ANKRD36: variants seen among roughly 807,000 people sequenced by gnomAD.
ANKRD36 encodes ankyrin repeat domain 36, also known as ankyrin repeat domain-containing protein 36A.
ANKRD36 carries 179 observed loss-of-function variants against 278.1 expected under a neutral mutation model. The observed-to-expected ratio is 0.64, with a 90% CI of 0.57 to 0.73. The LOEUF (loss-of-function observed/expected upper bound fraction) is 0.73. Among genes scored for constraint, ANKRD36 ranks in the 30% least tolerant of loss-of-function variants. The pLI, the probability that ANKRD36 is intolerant of heterozygous loss-of-function variation, is 0.00. For missense variants in ANKRD36, 1,159 were observed against 1,956.7 expected (o/e 0.59, Z 7.69); for synonymous variants, 320 against 641.1 (o/e 0.50, Z 7.57).
At chr2:97,208,791 G>C (rs1200412793) in intron 54 of ANKRD36, among the ~76,000 whole-genome samples, 4 of 146,700 alleles carry the variant, frequency 2.7e-5, no homozygotes, top group African/African-American at 1.1e-4. Flanking sequence ...GCTATTTAAT[G>C]TAACTTCTTT....
intron 64 of ANKRD36, among the ~76,000 whole-genome samples, chr2:97,218,786 AT>A (rs1332466498): frequency 1.9e-4 from 29 of 152,086 alleles, no homozygotes; most frequent in African/African-American, 7.0e-4. Flanking sequence ...GTATACCCAC[AT>A]TGATATTAAC....
In ANKRD36 at chr2:97,124,454, T is replaced by C; in HGVS notation, c.594-6T>C. ...AAAGTTTTTAATTACCTCTCTGTTA[T>C]TTTAGATCAGCCCTCATACATGCTG... is the stretch of plus-strand genomic sequence containing the variant. On this transcript the variant is annotated splice_region_variant and splice_polypyrimidine_tract_variant and intron_variant, in intron 4 of 75. Coordinates refer to ENST00000420699, the MANE Select transcript of ANKRD36 (RefSeq NM_001354587.1). 1.9e-6 allele frequency: 3 copies of C among 1,542,586 alleles called. No homozygotes were observed. The highest frequency in any genetic ancestry group is 2.6e-6 in the Non-Finnish European group (3 of 1,144,134).
chr2:97,142,612 T>A (rs62153043), intron 6 of ANKRD36, 28 bp from the exon 7 acceptor site: 1 of 1,477,564 alleles, frequency 6.8e-7, no homozygotes, highest in Non-Finnish European at 9.3e-7. Context: ...TTACATATGA[T>A]TGATTATGTA....
rs1462674521 is a variant in ANKRD36 at position 97,210,052 on chromosome 2, C to T, written c.3367+180C>T. Among the ~76,000 whole-genome samples, 11 of 151,916 alleles carry T rather than the reference C, an allele frequency of 7.2e-5. No individual in the cohort carries two copies. The South Asian group carries it at 8.4e-4, about 12-fold the overall frequency. On this transcript the variant is annotated intron_variant, in intron 56 of 75. Transcript: ENST00000420699. ...TGCTGCTGGCCTGGAACATGATCTT[C>T]GCTCTAAGATTATACCCTTCCCCAC...
At chr2:97,185,971 G>T (rs2057344076) in intron 30 of ANKRD36, among the ~76,000 whole-genome samples, 1 of 151,782 alleles carries the variant, frequency 6.6e-6, no homozygotes, top group Non-Finnish European at 1.5e-5. Flanking sequence ...AAGGAAGAGG[G>T]TTGTGAGGCA....
intron 6 of ANKRD36, among the ~76,000 whole-genome samples, chr2:97,127,675 G>T (rs1223481962): frequency 6.6e-6 from 1 of 151,946 alleles, no homozygotes; most frequent in Non-Finnish European, 1.5e-5. Flanking sequence ...AGTTACAGCT[G>T]TAGTTTCCTT....
At chr2:97,240,974 A>G (rs2074225489) in intron 68 of ANKRD36, among the ~76,000 whole-genome samples, 1 of 124,642 alleles carries the variant, frequency 8.0e-6, no homozygotes, top group Non-Finnish European at 1.6e-5. Flanking sequence ...ATGCAATCAC[A>G]TAACTATGTT....
rs201600563 is a variant in ANKRD36, at chr2:97,192,885, C to T, written c.2375C>T (p.Thr792Met). ...TCTTCTCAGAAACCACCAGCCTTGACGGTAATGAAACACTCATTTATATTG... is the reference window on the plus strand; with the variant it reads ...TCTTCTCAGAAACCACCAGCCTTGATGGTAATGAAACACTCATTTATATTG... ...TVSSQKPPAL[T>M]ATSDEEGSVL... The change falls in exon 37 of 76, where the codon ACG becomes ATG. Residue 792 changes from threonine to methionine, a missense_variant and splice_region_variant. Coordinates refer to ENST00000420699, the MANE Select transcript of ANKRD36 (RefSeq NM_001354587.1). The T allele has an allele frequency of 1.4e-5, 22 of 1,601,680 alleles. No homozygotes were observed. Among genetic ancestry groups the T allele is most frequent in the African/African-American group, 6.7e-5 (5 of 74,550 alleles).
At chr2:97,194,214 C>CT (rs1297443462) in intron 38 of ANKRD36, among the ~76,000 whole-genome samples, 1 of 151,596 alleles carries the variant, frequency 6.6e-6, no homozygotes, top group Non-Finnish European at 1.5e-5. Flanking sequence ...ATTCAGGACA[C>CT]TTCCACTGAA....
chr2:97,117,419 C>G (rs2035773380), intron 1 of ANKRD36, among the ~76,000 whole-genome samples: 1 of 151,982 alleles, frequency 6.6e-6, no homozygotes, highest in Non-Finnish European at 1.5e-5. Flanking sequence ...GGTGATGCCA[C>G]ATTACTTTAT....
chr2:97,146,472 T>G lies in ANKRD36; in HGVS notation c.1004-14T>G. 4 of 1,292,200 alleles carry G rather than the reference T, an allele frequency of 3.1e-6. No individual in the cohort carries two copies. In the South Asian group the frequency reaches 5.6e-5, roughly 18 times the overall value. 80.0% of individuals were successfully genotyped at this position (1,292,200 alleles called of 1,614,324 possible). A position where few individuals can be genotyped will look rare whatever the true frequency, so the allele number is the denominator to read the frequency against. On this transcript the variant is annotated splice_polypyrimidine_tract_variant and intron_variant, in intron 10 of 75. Coordinates refer to ENST00000420699, the MANE Select transcript of ANKRD36 (RefSeq NM_001354587.1). ...ATTGTTGATTTAAAATGCATTTTAC[T>G]TTTTGTTTAATAGTGCTTCCTGCTG...
chr2:97,195,657 C>T (rs1352283134), intron 40 of ANKRD36, among the ~76,000 whole-genome samples: 4 of 152,066 alleles, frequency 2.6e-5, no homozygotes, highest in East Asian at 2.0e-4. Context: ...AATATGGTGG[C>T]TTCCTTGTTC....
At chr2:97,191,240 T>C in intron 36 of ANKRD36, 59 bp downstream of exon 36, 1 of 1,482,898 alleles carries the variant, frequency 6.7e-7, no homozygotes, top group Non-Finnish European at 9.0e-7. Context: ...GAATTTCTCT[T>C]TCCTGAATGA....
chr2:97,114,922 A>C (rs1276829947), intron 1 of ANKRD36, among the ~76,000 whole-genome samples: 1 of 152,124 alleles, frequency 6.6e-6, no homozygotes, highest in Admixed American at 6.6e-5. Context: ...AAAACTTTTG[A>C]AATGGAGTCA....
intron 20 of ANKRD36, among the ~76,000 whole-genome samples, chr2:97,165,719 T>G (rs1208084640): frequency 1.3e-5 from 2 of 152,176 alleles, no homozygotes; most frequent in Admixed American, 1.3e-4. Flanking sequence ...AAATGCTCTA[T>G]AATGCCTCAC....
intron 22 of ANKRD36, among the ~76,000 whole-genome samples, chr2:97,174,151 T>C (rs1436667205): frequency 6.6e-6 from 1 of 151,634 alleles, no homozygotes; most frequent in Non-Finnish European, 1.5e-5. Flanking sequence ...GATTACACAT[T>C]ATTTCATTGA....
Position 97,187,393 on chromosome 2 carries a change from C to T in ANKRD36, c.2135C>T (p.Ser712Phe), listed in dbSNP as rs1219322155. The T allele has an allele frequency of 4.5e-6, 7 of 1,556,968 alleles. No individual in the cohort carries two copies. The highest frequency in any genetic ancestry group is 6.1e-6 in the Non-Finnish European group (7 of 1,148,160). Residue 712 changes from serine (S) to phenylalanine (F), a missense_variant, in exon 32 of 76, where the codon TCT (serine) becomes TTT (phenylalanine). By Grantham distance (155) the Ser-to-Phe change is radical. Transcript: ENST00000420699. ...IATEIKDGEKSGTVSSQKQPA... is the reference protein window; with the variant it reads ...IATEIKDGEKFGTVSSQKQPA... ...ACAGAAATAAAGGATGGAGAAAAAT[C>T]TGGGACAGGTAATTTTGCAAAACAC...
chr2:97,203,973 C>T lies in ANKRD36; in HGVS notation c.2960-95C>T, dbSNP rs1446433224. On this transcript the variant is annotated intron_variant, in intron 48 of 75. Transcript: ENST00000420699. ...CCATCAAAGCATACGCTAATACAGG[C>T]AGGAGGACAGAGGCTGATGCTAACA... The T allele has an allele frequency of 6.0e-6, 9 of 1,507,110 alleles. No individual in the cohort carries two copies. In the Admixed American group the frequency reaches 8.0e-5, roughly 13 times the overall value. 93.4% of individuals were successfully genotyped at this position (1,507,110 alleles called of 1,614,324 possible).
intron 66 of ANKRD36, among the ~76,000 whole-genome samples, chr2:97,220,789 T>TTTTTTTTTTTTTTTTTTTTTTA (rs2067376044): frequency 1.6e-5 from 2 of 127,154 alleles, no homozygotes; most frequent in African/African-American, 3.1e-5. Context: ...TTTTTTTTTT[T>TTTTTTTTTTTTTTTTTTTTTTA]ATTATACTCT....
Sources: gnomAD v4.1 joint callset for allele counts (sites outside exome capture counted in the v4.1 genomes callset) on GRCh38, gnomAD v4.1.1 for gene constraint, MANE v1.5 for transcripts, NCBI Gene and HGNC (gene_info 2026-07-23, HGNC 2026-07-21) for gene names.